The following CDK5RAP3 variants were observed in gnomAD, a reference collection of about 807,000 sequenced individuals.
CDK5RAP3 encodes CDK5 regulatory subunit associated protein 3, also known as CDK5 regulatory subunit-associated protein 3.
A neutral mutation model predicts 73.3 loss-of-function variants in CDK5RAP3; 58 were observed. The observed-to-expected ratio is 0.79, with a 90% confidence interval of 0.64 to 0.98. The LOEUF is 0.98. Ranked by LOEUF, CDK5RAP3 falls within the 50% of genes least tolerant of loss-of-function variation. The pLI is 0.00. For synonymous variants in CDK5RAP3, 224 were observed against 247.5 expected, an observed-to-expected ratio of 0.91 and a Z score of 0.89; for missense variants, 525 against 615.8, an observed-to-expected ratio of 0.85 and a Z score of 1.56.
chr17:47,975,776 G>A, intron 7 of CDK5RAP3, 93 bp from the exon 8 acceptor site: 3 of 1,594,880 alleles, frequency 1.9e-6, no homozygotes, highest in Middle Eastern at 1.7e-4. Flanking sequence ...AACCTGTGGG[G>A]GCCTTGCCCA....
intron 5 of CDK5RAP3, 190 bp downstream of exon 5, chr17:47,974,638 A>C (rs1278984908): frequency 7.1e-7 from 1 of 1,410,938 alleles, no homozygotes; most frequent in East Asian, 2.7e-5. Flanking sequence ...GTGCTGGGGG[A>C]AGGAGGAGGT....
Position 47,975,269 on chromosome 17 carries a change from G to T in CDK5RAP3, c.445G>T (p.Glu149Ter). 1 of 1,614,176 alleles carries T rather than the reference G, an allele frequency of 6.2e-7. No homozygotes were observed. Among genetic ancestry groups the T allele is most frequent in the South Asian group, 1.1e-5 (1 of 91,072 alleles). Reference protein sequence around the residue: ...LQQEYSRKEEECQAGAAEMRE... With the variant: ...LQQEYSRKEE ...GCAAGAATACAGCCGCAAGGAGGAG[G>T]AGTGCCAGGCAGGGGCTGCCGAGAT... The change falls in exon 6 of 14, where the codon GAG (glutamate) becomes TAG (stop). Residue 149 changes from glutamate (E) to a stop codon, truncating the protein, a stop_gained. Transcript: ENST00000338399. LOFTEE classifies it high-confidence loss of function.
chr17:47,978,946 G>C (rs376612518), intron 11 of CDK5RAP3, 29 bp downstream of exon 11: 3 of 1,566,482 alleles, frequency 1.9e-6, no homozygotes, highest in Non-Finnish European at 2.6e-6. Context: ...GATGCAGGGG[G>C]GAGGCATGGC....
In CDK5RAP3 at chr17:47,975,621, G is replaced by C. The variant is rs761348862; in HGVS notation, c.621G>C (p.Val207=). The stretch of plus-strand genomic sequence containing the variant: ...AGTCCCTGGGGGAAGCCATTGACGT[G>C]TACCAGGCGTCTGTGGGGTTTGTGT... ...AQQSLGEAID[V]YQASVGFVCE... is the part of the protein sequence containing the mutation. The change falls in exon 7 of 14, where the codon GTG becomes GTC. Residue 207 remains valine (V), a synonymous_variant. Coordinates refer to ENST00000338399, the MANE Select transcript of CDK5RAP3 (RefSeq NM_176096.3). The C allele has an allele frequency of 1.0e-5, 16 of 1,605,546 alleles. No individual in the cohort carries two copies. Among genetic ancestry groups the C allele is most frequent in the Non-Finnish European group, 1.4e-5 (16 of 1,179,448 alleles).
At chr17:47,971,484 G>T in intron 2 of CDK5RAP3, 77 bp downstream of exon 2, 1 of 1,390,016 alleles carries the variant, frequency 7.2e-7, no homozygotes, top group Admixed American at 2.4e-5. Flanking sequence ...ATAGCCGGGA[G>T]CTCTGACCCC....
At chr17:47,968,456 G>A, upstream of CDK5RAP3, among the ~76,000 whole-genome samples, 1 of 151,188 alleles carries the variant, frequency 6.6e-6, no homozygotes. Flanking sequence ...CTGAGTAGCT[G>A]GGACTGCAGG....
At chr17:47,977,352 T>A (rs1452947719) in intron 9 of CDK5RAP3, among the ~76,000 whole-genome samples, 1 of 152,130 alleles carries the variant, frequency 6.6e-6, no homozygotes, top group African/African-American at 2.4e-5. Context: ...GGTTTCACCA[T>A]GTTAGCCAGA....
Position 47,973,500 on chromosome 17 carries a change from T to C in CDK5RAP3, c.53-19T>C. 1 of 1,610,536 alleles carries C rather than the reference T, an allele frequency of 6.2e-7. No homozygotes were observed. The stretch of plus-strand genomic sequence containing the variant: ...GTGATGTGAATGGGAATGCTCTAAT[T>C]TGGGTGCTTCTCATGTAGATTGGCT... On this transcript the variant is annotated intron_variant, in intron 2 of 13. Transcript: ENST00000338399.
At chr17:47,980,550 A>T (rs745839862) in intron 11 of CDK5RAP3, 43 bp from the exon 12 acceptor site, 1 of 1,575,514 alleles carries the variant, frequency 6.3e-7, no homozygotes, top group East Asian at 2.2e-5. Flanking sequence ...TGCAAGTGTG[A>T]GCCATCATGT....
chr17:47,979,888 G>A (rs2036512642), intron 11 of CDK5RAP3: 7 of 152,324 alleles, frequency 4.6e-5, no homozygotes, highest in Admixed American at 4.6e-4. Flanking sequence ...GAATAGGATT[G>A]ATAAGTTAAT....
In CDK5RAP3 at chr17:47,975,889, C is replaced by T. The variant is rs1263446667; in HGVS notation, c.674C>T (p.Pro225Leu). 1.2e-6 allele frequency: 2 copies of T among 1,614,186 alleles called. No individual in the cohort carries two copies. The highest frequency in any genetic ancestry group is 3.3e-5 in the Admixed American group (2 of 60,032). Residue 225 changes from proline to leucine, a missense_variant, in exon 8 of 14, where the codon CCA becomes CTA. Pro to Leu is a moderately conservative substitution (Grantham distance 98). This residue lies in a region of CDK5RAP3 where 409 missense variants were observed against 429.8 expected (regional missense o/e 0.95). Coordinates refer to ENST00000338399, the MANE Select transcript of CDK5RAP3 (RefSeq NM_176096.3). ...TGAAGCCCCACAGAGCAGGTGTTGC[C>T]AATGCTGCGGTTCGTGCAGAAGCGG... ...VCESPTEQVL[P>L]MLRFVQKRGN...
intron 1 of CDK5RAP3, 60 bp downstream of exon 1, chr17:47,971,212 C>T (rs2036253612): frequency 6.5e-7 from 1 of 1,527,548 alleles, no homozygotes; most frequent in Non-Finnish European, 8.9e-7. Context: ...CCTGTGTCTC[C>T]GGTCTCCCTC....
chr17:47,980,490 C>T (rs1450176069), intron 11 of CDK5RAP3, 103 bp from the exon 12 acceptor site: 3 of 1,001,848 alleles, frequency 3.0e-6, no homozygotes, highest in African/African-American at 3.2e-5. Flanking sequence ...TGGTCTTGAA[C>T]TCCTGGCCTC....
chr17:47,976,091 C>G, intron 8 of CDK5RAP3, 78 bp downstream of exon 8: 1 of 1,524,344 alleles, frequency 6.6e-7, no homozygotes, highest in Admixed American at 1.9e-5. Context: ...CAGCCCAACC[C>G]AAGACCCAGA....
upstream of CDK5RAP3, chr17:47,968,043 T>A (rs1378848938): frequency 6.6e-6 from 1 of 152,206 alleles, no homozygotes; most frequent in Non-Finnish European, 1.5e-5. Flanking sequence ...GCCCAGCCTG[T>A]TGGTTCAAGG....
chr17:47,970,552 G>T, upstream of CDK5RAP3: 1 of 924,122 alleles, frequency 1.1e-6, no homozygotes, highest in Non-Finnish European at 1.7e-6. Context: ...TGTTCTCTTT[G>T]GGACGTCTCA....
At chr17:47,975,036 G>T (rs1220187498) in intron 5 of CDK5RAP3, 123 bp from the exon 6 acceptor site, 4 of 1,602,882 alleles carry the variant, frequency 2.5e-6, no homozygotes, top group Non-Finnish European at 2.6e-6. Context: ...CCACAGCTGG[G>T]AACAAGTGGG....
In CDK5RAP3 at chr17:47,977,801, C is replaced by G. The variant is rs35751035; in HGVS notation, c.910-31C>G. 4.5e-3 allele frequency: 7,203 copies of G among 1,588,216 alleles called. 255 individuals carry two copies. The African/African-American group carries it at 0.085, about 19-fold the overall frequency. On this transcript the variant is annotated intron_variant, in intron 9 of 13. Transcript: ENST00000338399. ...TCCTTGGCTCAGGAAAATTCTCCCC[C>G]CATTGCTGTGGTTCTTTGCTCTCCT...
At chr17:47,970,966 T>C, upstream of CDK5RAP3, 1 of 1,459,572 alleles carries the variant, frequency 6.9e-7, no homozygotes, top group Non-Finnish European at 9.0e-7. Flanking sequence ...ATTCGGAGCC[T>C]GGGGTGGGCG....
Sources: gnomAD v4.1 joint callset for allele counts (sites outside exome capture counted in the v4.1 genomes callset) on GRCh38, gnomAD v4.1.1 for gene constraint, gnomAD v4.1.1 regional missense constraint, MANE v1.5 for transcripts, NCBI Gene and HGNC (gene_info 2026-07-23, HGNC 2026-07-21) for gene names.